The following LIPK variants were observed in gnomAD, a reference collection of about 807,000 sequenced individuals.
LIPK encodes the protein lipase member K.
A neutral mutation model predicts 48.6 loss-of-function variants in LIPK; 32 were observed. The ratio of observed to expected loss-of-function variants is 0.66; its 90% CI spans 0.50 to 0.88. The LOEUF (loss-of-function observed/expected upper bound fraction) is 0.88, where lower values mean the gene tolerates loss of function less well. Among genes scored for constraint, LIPK ranks in the 40% least tolerant of loss-of-function variants. LIPK has a pLI of 0.00. For synonymous variants in LIPK, 164 were observed against 157.4 expected (o/e 1.04, Z -0.32); for missense variants, 507 against 478.5 (o/e 1.06, Z -0.56).
intron 2 of LIPK, 125 bp from the exon 3 acceptor site, chr10:88,726,669 AG>A (rs1471213872): frequency 1.6e-6 from 1 of 629,290 alleles, no homozygotes; most frequent in Admixed American, 2.7e-5. Context: ...ACTCCAGCCC[AG>A]GGAACACAGT....
At chr10:88,723,915 C>A (rs1013834015) in intron 1 of LIPK, among the ~76,000 whole-genome samples, 1 of 151,930 alleles carries the variant, frequency 6.6e-6, no homozygotes, top group Non-Finnish European at 1.5e-5. Context: ...TGAATAATTC[C>A]ATTTTTTCTC....
chr10:88,731,033 A>G lies in LIPK; in HGVS notation c.274A>G (p.Asn92Asp), dbSNP rs866108793. 9.4e-6 allele frequency: 15 copies of G among 1,597,706 alleles called. 1 individual carries two copies. The Middle Eastern group carries it at 2.5e-3, about 265-fold the overall frequency. Residue 92 changes from asparagine (N) to aspartate (D), a missense_variant, in exon 4 of 10, where the codon AAC becomes GAC. Coordinates refer to ENST00000404190, the MANE Select transcript of LIPK (RefSeq NM_001080518.2). The part of the protein sequence containing the change: ...LQHGLIASAS[N>D]WICNLPNNSL... ...GCATGGCTTAATTGCATCTGCCAGT[A>G]ACTGGATTTGCAACCTGCCCAACAA... is the stretch of plus-strand genomic sequence containing the variant.
chr10:88,739,960 T>C (rs367576795), intron 7 of LIPK, 36 bp from the exon 8 acceptor site: 8 of 1,393,148 alleles, frequency 5.7e-6, no homozygotes, highest in Admixed American at 5.2e-5. Flanking sequence ...TATGATGATA[T>C]GATTAGCCTC....
intron 1 of LIPK, among the ~76,000 whole-genome samples, chr10:88,708,216 T>A (rs1028645037): frequency 6.6e-6 from 1 of 152,134 alleles, no homozygotes; most frequent in African/African-American, 2.4e-5. Flanking sequence ...TACTCACAGG[T>A]CATTGAGTTT....
At chr10:88,739,927 T>A (rs1842646988) in intron 7 of LIPK, 69 bp from the exon 8 acceptor site, 14 of 905,060 alleles carry the variant, frequency 1.5e-5, no homozygotes, top group Non-Finnish European at 3.4e-6. Context: ...CTTTTTAAAT[T>A]TCTCTCAAAT....
chr10:88,708,222 A>G (rs1478607328), intron 1 of LIPK, among the ~76,000 whole-genome samples: 2 of 152,128 alleles, frequency 1.3e-5, no homozygotes, highest in Non-Finnish European at 2.9e-5. Flanking sequence ...CAGGTCATTG[A>G]GTTTAAATTT....
intron 8 of LIPK, among the ~76,000 whole-genome samples, chr10:88,740,991 G>C (rs946219547): frequency 6.6e-6 from 1 of 152,166 alleles, no homozygotes; most frequent in African/African-American, 2.4e-5. Flanking sequence ...TCAGGATATA[G>C]GGCTTCCTAC....
intron 9 of LIPK, among the ~76,000 whole-genome samples, chr10:88,745,990 A>G (rs1842759536): frequency 6.6e-6 from 1 of 152,234 alleles, no homozygotes; most frequent in Admixed American, 6.5e-5. Context: ...CTTGCTTCAG[A>G]CAAAACAGAA....
chr10:88,716,971 T>C (rs966720349), intron 1 of LIPK, among the ~76,000 whole-genome samples: 6 of 151,968 alleles, frequency 3.9e-5, no homozygotes, highest in Non-Finnish European at 5.9e-5. Context: ...AGCAGACAGA[T>C]GATAAGATGC....
In LIPK at chr10:88,737,786, G is replaced by A; in HGVS notation, c.816+5G>A. On this transcript the variant is annotated splice_donor_5th_base_variant and intron_variant, in intron 7 of 9. Coordinates refer to ENST00000404190, the MANE Select transcript of LIPK (RefSeq NM_001080518.2). ...GATCCGCAAAACTTAAATATGGTAG[G>A]TGTAAGTAATTGGGTCTGGGAAAAC... The A allele has an allele frequency of 6.2e-7, 1 of 1,613,552 alleles. No individual in the cohort carries two copies. Among genetic ancestry groups the A allele is most frequent in the Non-Finnish European group, 8.5e-7 (1 of 1,179,572 alleles).
chr10:88,712,186 C>A (rs907813755), intron 1 of LIPK, among the ~76,000 whole-genome samples: 1 of 152,146 alleles, frequency 6.6e-6, no homozygotes, highest in African/African-American at 2.4e-5. Flanking sequence ...TTTTACAGAT[C>A]TTCTGCTCAA....
In LIPK at chr10:88,724,639, T is replaced by C; in HGVS notation, c.96T>C (p.Asn32=). The change falls in exon 2 of 10, where the codon AAT becomes AAC. Residue 32 remains asparagine (N), a synonymous_variant. Coordinates refer to ENST00000404190, the MANE Select transcript of LIPK (RefSeq NM_001080518.2). ...GAAACAATGCAAACCCTGAAGCTAA[T>C]ATGAATATTGTAAGTCATTTATTCA... ...KKGNNANPEA[N]MNISQIISYW... 6.3e-7 allele frequency: 1 copy of C among 1,586,908 alleles called. No homozygotes were observed. Among genetic ancestry groups the C allele is most frequent in the Non-Finnish European group, 8.6e-7 (1 of 1,169,254 alleles).
At chr10:88,744,699 A>G (rs187935134) in intron 9 of LIPK, among the ~76,000 whole-genome samples, 25 of 152,378 alleles carry the variant, frequency 1.6e-4, no homozygotes, top group Non-Finnish European at 1.9e-4. Context: ...GAATCAGTGC[A>G]AGAACTCTGG....
intron 3 of LIPK, among the ~76,000 whole-genome samples, chr10:88,730,347 T>C (rs1842438477): frequency 6.6e-6 from 1 of 152,160 alleles, no homozygotes; most frequent in Non-Finnish European, 1.5e-5. Flanking sequence ...TGGAGTGCAG[T>C]GTGGCGATCT....
intron 1 of LIPK, among the ~76,000 whole-genome samples, chr10:88,707,409 GTTTAT>G (rs1158745453): frequency 5.3e-5 from 8 of 152,010 alleles, no homozygotes; most frequent in Non-Finnish European, 8.8e-5. Context: ...TTCCTTTGTG[GTTTAT>G]TTTATTTAAT....
intron 3 of LIPK, chr10:88,727,993 C>T: frequency 2.8e-6 from 1 of 355,088 alleles, no homozygotes. Flanking sequence ...GGACCAGAAG[C>T]TGAAGGTGGA....
intron 6 of LIPK, among the ~76,000 whole-genome samples, chr10:88,735,944 G>T (rs1384474584): frequency 2.0e-5 from 3 of 152,214 alleles, no homozygotes; most frequent in South Asian, 2.1e-4. Flanking sequence ...TGGAGTCAGA[G>T]AATGTCCTGC....
In LIPK at chr10:88,715,924, A is replaced by T. The variant is rs1189301260; in HGVS notation, c.-11-8609A>T. ...GCCTACCTCAAGATTGCAAATTTGT[A>T]CCCTATTATCTGATGACTGAAAACA... On this transcript the variant is annotated intron_variant, in intron 1 of 9. Coordinates refer to ENST00000404190, the MANE Select transcript of LIPK (RefSeq NM_001080518.2). 2.6e-5 allele frequency among the ~76,000 whole-genome samples: 4 copies of T among 152,006 alleles called. No homozygotes were observed. The South Asian group carries it at 6.2e-4, about 24-fold the overall frequency.
intron 1 of LIPK, among the ~76,000 whole-genome samples, chr10:88,708,273 TA>T (rs1301188472): frequency 6.6e-6 from 1 of 152,072 alleles, no homozygotes; most frequent in Admixed American, 6.6e-5. Context: ...TTGCTATTAT[TA>T]TAAGGATGAT....
Sources: allele counts gnomAD v4.1 joint callset (sites outside exome capture counted in the v4.1 genomes callset), GRCh38; gene constraint gnomAD v4.1.1; transcripts MANE v1.5; gene names NCBI Gene and HGNC (gene_info 2026-07-23, HGNC 2026-07-21).